FAM20B: variants seen among roughly 807,000 people sequenced by gnomAD.
FAM20B encodes the protein FAM20B glycosaminoglycan xylosylkinase, also known as glycosaminoglycan xylosylkinase.
A neutral mutation model predicts 43.8 loss-of-function variants in FAM20B; 23 were observed. That is an observed-to-expected ratio of 0.53 (90% CI 0.38 to 0.74). The LOEUF (loss-of-function observed/expected upper bound fraction) is 0.74, where lower values mean the gene tolerates loss of function less well. Among genes scored for constraint, FAM20B ranks in the 30% least tolerant of loss-of-function variants. FAM20B has a pLI of 0.00. For synonymous variants in FAM20B, 178 were observed against 192.4 expected (o/e 0.93, Z 0.62); for missense variants, 440 against 510.5 (o/e 0.86, Z 1.33).
In FAM20B at chr1:179,064,068, G is replaced by A. The variant is rs767960263; in HGVS notation, c.716G>A (p.Gly239Asp). The change falls in exon 5 of 8, where the codon GGC becomes GAC. Residue 239 changes from glycine to aspartate, a missense_variant. Coordinates refer to ENST00000263733, the MANE Select transcript of FAM20B (RefSeq NM_014864.4). ...WPLQKHRHPW[G>D]RTYREGKLAR... The stretch of plus-strand genomic sequence containing the variant: ...CTGCAGAAGCACCGTCACCCATGGG[G>A]CAGGACTTACCGAGAAGGCAAATTG... 1 of 1,612,596 alleles carries A rather than the reference G, an allele frequency of 6.2e-7. No individual in the cohort carries two copies. Among genetic ancestry groups the A allele is most frequent in the East Asian group, 2.2e-5 (1 of 44,870 alleles).
At chr1:179,040,123 T>C (rs1395732308) in intron 1 of FAM20B, among the ~76,000 whole-genome samples, 1 of 148,486 alleles carries the variant, frequency 6.7e-6, no homozygotes, top group Non-Finnish European at 1.5e-5. Context: ...AAGTCTCCCA[T>C]GTCCACCTCC....
At chr1:179,033,192 G>A (rs181865231) in intron 1 of FAM20B, among the ~76,000 whole-genome samples, 22 of 152,226 alleles carry the variant, frequency 1.4e-4, no homozygotes, top group East Asian at 7.7e-4. Context: ...TTTATAAACC[G>A]GACATGTGTC....
chr1:179,053,915 C>A (rs1370466188), intron 3 of FAM20B, among the ~76,000 whole-genome samples: 1 of 152,104 alleles, frequency 6.6e-6, no homozygotes, highest in Non-Finnish European at 1.5e-5. Flanking sequence ...TTTTTATTTT[C>A]TTCATTGTAA....
At chr1:179,068,467 G>T (rs1651782460) in intron 7 of FAM20B, among the ~76,000 whole-genome samples, 1 of 151,478 alleles carries the variant, frequency 6.6e-6, no homozygotes, top group African/African-American at 2.4e-5. Context: ...ATGGAGTCTT[G>T]CTCTGTCACC....
At chr1:179,046,300 A>C (rs986794355) in intron 2 of FAM20B, among the ~76,000 whole-genome samples, 14 of 152,264 alleles carry the variant, frequency 9.2e-5, no homozygotes, top group Admixed American at 5.9e-4. Flanking sequence ...CCTGAGAGAT[A>C]AGCAGCATAA....
chr1:179,033,047 G>A (rs944773867), intron 1 of FAM20B, among the ~76,000 whole-genome samples: 1 of 152,210 alleles, frequency 6.6e-6, no homozygotes, highest in African/African-American at 2.4e-5. Flanking sequence ...GTGCCCTACT[G>A]TCACTGCTAG....
chr1:179,045,355 C>T (rs1479607179), intron 2 of FAM20B, among the ~76,000 whole-genome samples: 1 of 151,862 alleles, frequency 6.6e-6, no homozygotes, highest in African/African-American at 2.4e-5. Flanking sequence ...TTTTTCATTC[C>T]TCAGTAGAGC....
intron 2 of FAM20B, among the ~76,000 whole-genome samples, chr1:179,048,512 A>G (rs1650873689): frequency 2.0e-5 from 3 of 152,228 alleles, no homozygotes; most frequent in Admixed American, 2.0e-4. Context: ...TGAAAGGACC[A>G]TACTGCACTT....
At chr1:179,071,605 A>G (rs1190666592) in intron 7 of FAM20B, among the ~76,000 whole-genome samples, 2 of 152,170 alleles carry the variant, frequency 1.3e-5, no homozygotes, top group Non-Finnish European at 2.9e-5. Flanking sequence ...CTTTCAATGG[A>G]TGAACCATAA....
rs759341974 is a variant in FAM20B at position 179,066,800 on chromosome 1, C to T, written c.939C>T (p.Ser313=). 1.2e-6 allele frequency: 2 copies of T among 1,609,806 alleles called. No individual in the cohort carries two copies. The highest frequency in any genetic ancestry group is 2.2e-5 in the East Asian group (1 of 44,864). The change falls in exon 7 of 8, where the codon AGC becomes AGT. Residue 313 remains serine, a splice_region_variant and synonymous_variant. Coordinates refer to ENST00000263733, the MANE Select transcript of FAM20B (RefSeq NM_014864.4). The part of the protein sequence containing the change: ...SMLILLDNAK[S]FGNPSLDERS... Reference sequence around the variant, plus strand: ...CACTAAGTTTTAATTTAATTTTCAGCTTTGGGAACCCCTCGCTGGATGAAA... The same window carrying T: ...CACTAAGTTTTAATTTAATTTTCAGTTTTGGGAACCCCTCGCTGGATGAAA...
chr1:179,064,185 G>A, intron 5 of FAM20B, 87 bp downstream of exon 5: 1 of 1,424,968 alleles, frequency 7.0e-7, no homozygotes, highest in Non-Finnish European at 9.6e-7. Context: ...TTCTGTCCAA[G>A]AGTGAAAAGA....
intron 1 of FAM20B, among the ~76,000 whole-genome samples, chr1:179,041,730 C>T (rs920961604): frequency 5.3e-5 from 7 of 131,270 alleles, no homozygotes; most frequent in Non-Finnish European, 9.3e-5. Flanking sequence ...GGAGACGGGC[C>T]GGGAGAGGGA....
intron 1 of FAM20B, among the ~76,000 whole-genome samples, chr1:179,042,106 G>A (rs1004268106): frequency 6.6e-6 from 1 of 152,188 alleles, no homozygotes; most frequent in African/African-American, 2.4e-5. Context: ...CTCTGTGGCC[G>A]TGGTGCCTTC....
chr1:179,054,757 C>A, intron 4 of FAM20B, 119 bp downstream of exon 4: 1 of 515,564 alleles, frequency 1.9e-6, no homozygotes, highest in Non-Finnish European at 3.5e-6. Flanking sequence ...AATACAAAAG[C>A]AAATCAGACA....
chr1:179,034,316 ATTCTATTGTCAAAACAAGT>A (rs1163851467), intron 1 of FAM20B, among the ~76,000 whole-genome samples: 2 of 152,190 alleles, frequency 1.3e-5, no homozygotes, highest in Non-Finnish European at 2.9e-5. Context: ...TTTCCACAAC[ATTCTATTGTCAAAACAAGT>A]TACAAAGCCA....
chr1:179,023,918 A>T (rs1649650138), upstream of FAM20B, among the ~76,000 whole-genome samples: 2 of 152,176 alleles, frequency 1.3e-5, no homozygotes, highest in South Asian at 4.1e-4. Context: ...GAATATATTG[A>T]CTGTTGATTG....
chr1:179,043,073 A>G (rs72707292), intron 1 of FAM20B, among the ~76,000 whole-genome samples: 21,480 of 152,084 alleles, frequency 0.14, 1,758 homozygotes, highest in East Asian at 0.3. Flanking sequence ...GCCTCCTGCC[A>G]CCATTCATGT....
intron 1 of FAM20B, among the ~76,000 whole-genome samples, chr1:179,040,630 C>A (rs1251888642): frequency 7.2e-6 from 1 of 139,252 alleles, no homozygotes; most frequent in Admixed American, 6.8e-5. Context: ...AGGCGCCCCT[C>A]ACCTCCCGGA....
intron 6 of FAM20B, 133 bp downstream of exon 6, chr1:179,064,629 T>C: frequency 1.5e-6 from 1 of 674,024 alleles, no homozygotes; most frequent in East Asian, 2.7e-5. Flanking sequence ...CTTGGAGTCT[T>C]TGCTATTGGT....
Sources: gnomAD v4.1 joint callset for allele counts (sites outside exome capture counted in the v4.1 genomes callset) on GRCh38, gnomAD v4.1.1 for gene constraint, MANE v1.5 for transcripts, NCBI Gene and HGNC (gene_info 2026-07-23, HGNC 2026-07-21) for gene names.